Variants in ZNF799 observed in about 807,000 individuals in gnomAD.
ZNF799 encodes zinc finger protein 14.
In ZNF799, 28 loss-of-function variants were observed where a neutral mutation model predicts 41.0. The ratio of observed to expected loss-of-function variants is 0.68; its 90% CI spans 0.51 to 0.94. The LOEUF is 0.94. ZNF799 is among the 40% of genes least tolerant of loss of function. ZNF799 has a pLI of 0.00. For synonymous variants in ZNF799, 213 were observed against 252.9 expected (o/e 0.84, Z 1.50); for missense variants, 716 against 764.3 (o/e 0.94, Z 0.74).
intron 1 of ZNF799, 116 bp downstream of exon 1, chr19:12,400,952 C>T (rs1969972753): frequency 6.3e-7 from 1 of 1,594,722 alleles, no homozygotes; most frequent in African/African-American, 1.3e-5. Flanking sequence ...CCAGGGGAAC[C>T]CGGGTCCGTA....
At chr19:12,412,867 CTA>C in the ZNF799 span, among the ~76,000 whole-genome samples, 1 of 151,750 alleles carries the variant, frequency 6.6e-6, no homozygotes, top group Non-Finnish European at 1.5e-5. Flanking sequence ...TGGAGAAACC[CTA>C]TCTCTACTAA....
chr19:12,406,527 T>A, the ZNF799 span, among the ~76,000 whole-genome samples: 1 of 150,588 alleles, frequency 6.6e-6, no homozygotes, highest in East Asian at 1.9e-4. Context: ...GTCTCAAATA[T>A]GTTCAACAAG....
At chr19:12,405,329 T>A (rs1970022405), upstream of ZNF799, among the ~76,000 whole-genome samples, 1 of 152,122 alleles carries the variant, frequency 6.6e-6, no homozygotes, top group Non-Finnish European at 1.5e-5. Context: ...TCTAGTAAAC[T>A]AGGGTACTCA....
chr19:12,395,224 C>T (rs1969877826), intron 1 of ZNF799: 1 of 151,548 alleles, frequency 6.6e-6, no homozygotes, highest in South Asian at 2.1e-4. Flanking sequence ...TCACTACAAC[C>T]TGACTCCCGG....
At chr19:12,413,854 C>T in the ZNF799 span, among the ~76,000 whole-genome samples, 50 of 152,248 alleles carry the variant, frequency 3.3e-4, no homozygotes, top group African/African-American at 1.1e-3. Context: ...GTCCGCAGAC[C>T]GGGTAGTCGC....
the ZNF799 span, among the ~76,000 whole-genome samples, chr19:12,410,081 G>C: frequency 6.6e-6 from 1 of 151,912 alleles, no homozygotes; most frequent in African/African-American, 2.4e-5. Flanking sequence ...CCGGGAGGTG[G>C]AAGTTGCAGT....
the ZNF799 span, among the ~76,000 whole-genome samples, chr19:12,413,211 A>G: frequency 1.3e-5 from 2 of 152,140 alleles, no homozygotes; most frequent in Admixed American, 1.3e-4. Flanking sequence ...TCCATGTAGA[A>G]CCTTTTAGCC....
upstream of ZNF799, among the ~76,000 whole-genome samples, chr19:12,402,192 C>T (rs1242243945): frequency 3.9e-5 from 6 of 152,268 alleles, no homozygotes; most frequent in Admixed American, 3.9e-4. Flanking sequence ...AATCCTCCCA[C>T]CTCAGCCTCT....
chr19:12,398,096 A>G (rs1000665602), intron 1 of ZNF799: 2 of 152,002 alleles, frequency 1.3e-5, no homozygotes, highest in Non-Finnish European at 2.9e-5. Flanking sequence ...TAAAAATACG[A>G]AAGAAAAAAA....
At chr19:12,408,066 G>A in the ZNF799 span, among the ~76,000 whole-genome samples, 14 of 152,052 alleles carry the variant, frequency 9.2e-5, no homozygotes, top group African/African-American at 3.4e-4. Flanking sequence ...TGAGGCAGTG[G>A]GATCTTGAGC....
At chr19:12,396,965 T>C (rs1386066708) in intron 1 of ZNF799, among the ~76,000 whole-genome samples, 1 of 152,196 alleles carries the variant, frequency 6.6e-6, no homozygotes, top group Non-Finnish European at 1.5e-5. Context: ...CATATGCATA[T>C]ATATGAAGAG....
At chr19:12,401,341 G>A (rs1969983271), upstream of ZNF799, 1 of 1,014,626 alleles carries the variant, frequency 9.9e-7, no homozygotes, top group Non-Finnish European at 1.4e-6. Flanking sequence ...TGGACTGATT[G>A]ACAGAAGAAG....
chr19:12,397,212 T>C (rs897720725), intron 1 of ZNF799, among the ~76,000 whole-genome samples: 15 of 152,228 alleles, frequency 9.9e-5, no homozygotes, highest in Non-Finnish European at 1.5e-4. Context: ...TGAAGGTCCA[T>C]TTGTTGTGAA....
At chr19:12,414,526 G>A in the ZNF799 span, among the ~76,000 whole-genome samples, 4 of 152,218 alleles carry the variant, frequency 2.6e-5, no homozygotes, top group Non-Finnish European at 5.9e-5. Context: ...CAGCAGGAGG[G>A]AAGGCCTGAT....
At position 12,399,984 on chromosome 19, in the gene ZNF799, T is replaced by G. The variant is rs537675793; in HGVS notation, c.3+1084A>C. Among the ~76,000 whole-genome samples the G allele has an allele frequency of 2.2e-4, 33 of 152,100 alleles. 1 individual carries two copies. Among genetic ancestry groups the G allele is most frequent in the Admixed American group, 7.2e-4 (11 of 15,286 alleles). ...AATTCTTTCAAGAAAAAGCCATACA[T>G]TGCTAGCTGAAAACAAGATGACAAA... On this transcript the variant is annotated intron_variant, in intron 1 of 3. Transcript: ENST00000430385.
chr19:12,410,648 T>G, the ZNF799 span, among the ~76,000 whole-genome samples: 1 of 151,478 alleles, frequency 6.6e-6, no homozygotes, highest in Non-Finnish European at 1.5e-5. Flanking sequence ...AGATATCAAT[T>G]AAAAACATCA....
upstream of ZNF799, among the ~76,000 whole-genome samples, chr19:12,402,279 C>A (rs1367860075): frequency 2.0e-5 from 3 of 152,200 alleles, no homozygotes; most frequent in African/African-American, 7.2e-5. Flanking sequence ...TATCCTGCAA[C>A]TTTACTGAAT....
the ZNF799 span, among the ~76,000 whole-genome samples, chr19:12,407,921 C>A: frequency 6.6e-6 from 1 of 152,042 alleles, no homozygotes. Flanking sequence ...CTTTAGGAGG[C>A]CAAGGTGGGA....
intron 1 of ZNF799, among the ~76,000 whole-genome samples, chr19:12,399,464 TGA>T (rs982195654): frequency 9.9e-5 from 15 of 151,744 alleles, no homozygotes; most frequent in Admixed American, 9.8e-4. Context: ...GAAGAAAAGG[TGA>T]GTGTCCCAGG....
Sources: gnomAD v4.1 joint callset for allele counts (sites outside exome capture counted in the v4.1 genomes callset) on GRCh38, gnomAD v4.1.1 for gene constraint, MANE v1.5 for transcripts, NCBI Gene and HGNC (gene_info 2026-07-23, HGNC 2026-07-21) for gene names.